The following CACNA2D3 variants were observed in gnomAD, a reference collection of about 807,000 sequenced individuals.
CACNA2D3 encodes the protein voltage-dependent calcium channel subunit alpha-2/delta-3.
In CACNA2D3, 60 loss-of-function variants were observed where a neutral mutation model predicts 160.6. The observed-to-expected ratio is 0.37, with a 90% confidence interval of 0.30 to 0.46. CACNA2D3 has a LOEUF of 0.46. CACNA2D3 is among the 20% of genes least tolerant of loss of function. The pLI, the probability that CACNA2D3 is intolerant of heterozygous loss-of-function variation, is 1.00. For missense variants in CACNA2D3, 1,205 were observed against 1,365.0 expected (o/e 0.88, Z 1.85); for synonymous variants, 558 against 492.9 (o/e 1.13, Z -1.75).
intron 30 of CACNA2D3, among the ~76,000 whole-genome samples, chr3:54,985,113 C>T (rs150159629): frequency 6.2e-4 from 94 of 152,240 alleles, no homozygotes; most frequent in African/African-American, 2.2e-3. Context: ...GGCTTTCGTT[C>T]TGGTTTTTGC....
At chr3:54,197,810 C>A (rs1273518021) in intron 2 of CACNA2D3, among the ~76,000 whole-genome samples, 2 of 152,168 alleles carry the variant, frequency 1.3e-5, no homozygotes, top group Admixed American at 6.5e-5. Flanking sequence ...ATTCTTCTCT[C>A]CATTTTTTGG....
intron 27 of CACNA2D3, among the ~76,000 whole-genome samples, chr3:54,905,441 T>G (rs1232236754): frequency 6.6e-6 from 1 of 152,216 alleles, no homozygotes; most frequent in Non-Finnish European, 1.5e-5. Flanking sequence ...ATTTAACTTG[T>G]GAACATTCCT....
intron 2 of CACNA2D3, among the ~76,000 whole-genome samples, chr3:54,204,510 C>T (rs1002656955): frequency 6.6e-6 from 1 of 151,956 alleles, no homozygotes; most frequent in African/African-American, 2.4e-5. Flanking sequence ...GAAATGGAGA[C>T]ATGGGGCCAG....
chr3:54,864,438 A>C (rs533848391), intron 17 of CACNA2D3, among the ~76,000 whole-genome samples: 39 of 152,090 alleles, frequency 2.6e-4, no homozygotes, highest in African/African-American at 9.4e-4. Context: ...GCGCTCAGCT[A>C]ATTTTTGTGT....
rs1701078136 is a variant in CACNA2D3 at position 54,928,062 on chromosome 3, T to C, written c.2449+28194T>C. The C allele has an allele frequency of 9.9e-6, 7 of 709,322 alleles. No individual in the cohort carries two copies. In the South Asian group the frequency reaches 1.2e-4, roughly 12 times the overall value. 43.9% of individuals were successfully genotyped at this position (709,322 alleles called of 1,614,324 possible). On this transcript the variant is annotated intron_variant, in intron 27 of 37. Transcript: ENST00000474759. ...TGCTTTTCTTCAATGCAGAAAACAG[T>C]TGTTGCTTTCAAAAGACCATTTATT... is the stretch of plus-strand genomic sequence containing the variant.
intron 3 of CACNA2D3, among the ~76,000 whole-genome samples, chr3:54,329,780 A>G (rs1436416121): frequency 6.6e-6 from 1 of 152,154 alleles, no homozygotes; most frequent in African/African-American, 2.4e-5. Flanking sequence ...ATAAAAGACC[A>G]CTGTCTATAA....
chr3:54,150,042 A>G (rs1700117431), intron 2 of CACNA2D3, among the ~76,000 whole-genome samples: 1 of 147,512 alleles, frequency 6.8e-6, no homozygotes, highest in African/African-American at 2.5e-5. Context: ...TCTGTCTCAT[A>G]TGGAAACACA....
chr3:54,822,404 A>G (rs987014534), intron 14 of CACNA2D3, among the ~76,000 whole-genome samples: 2 of 152,190 alleles, frequency 1.3e-5, no homozygotes, highest in African/African-American at 4.8e-5. Flanking sequence ...TGGTTATATA[A>G]CTAAGTATTT....
At chr3:54,197,094 A>C (rs770780296) in intron 2 of CACNA2D3, among the ~76,000 whole-genome samples, 20 of 152,114 alleles carry the variant, frequency 1.3e-4, no homozygotes, top group Non-Finnish European at 2.4e-4. Flanking sequence ...AAGAGATTGC[A>C]TCTCTGTTTG....
At chr3:54,640,126 A>G (rs1699483003) in intron 10 of CACNA2D3, among the ~76,000 whole-genome samples, 1 of 152,264 alleles carries the variant, frequency 6.6e-6, no homozygotes, top group East Asian at 1.9e-4. Context: ...GTGATTCTTC[A>G]GTTACTTCAG....
intron 5 of CACNA2D3, among the ~76,000 whole-genome samples, chr3:54,510,915 G>T (rs962365673): frequency 1.3e-5 from 2 of 152,176 alleles, no homozygotes; most frequent in Non-Finnish European, 2.9e-5. Context: ...CCAAAAATAT[G>T]TAGGGGATGC....
intron 29 of CACNA2D3, among the ~76,000 whole-genome samples, chr3:54,982,032 GGTA>G (rs1261481792): frequency 6.6e-6 from 1 of 152,126 alleles, no homozygotes; most frequent in Non-Finnish European, 1.5e-5. Context: ...GCCACTTGTC[GGTA>G]GTGAAGGGAT....
chr3:54,959,017 C>T (rs1315710405), intron 27 of CACNA2D3, among the ~76,000 whole-genome samples: 1 of 152,116 alleles, frequency 6.6e-6, no homozygotes, highest in East Asian at 1.9e-4. Context: ...GGGATAATTG[C>T]CTGAGCCTGG....
At chr3:54,361,003 A>C (rs1698732339) in intron 3 of CACNA2D3, among the ~76,000 whole-genome samples, 1 of 152,122 alleles carries the variant, frequency 6.6e-6, no homozygotes, top group Non-Finnish European at 1.5e-5. Flanking sequence ...AAAAAGAAGA[A>C]GACCTTAAGA....
intron 2 of CACNA2D3, among the ~76,000 whole-genome samples, chr3:54,147,031 A>G (rs1372365508): frequency 1.3e-5 from 2 of 152,254 alleles, no homozygotes; most frequent in Admixed American, 1.3e-4. Flanking sequence ...TAATATCCCT[A>G]GATTTCCAAT....
intron 24 of CACNA2D3, among the ~76,000 whole-genome samples, chr3:54,889,017 G>C (rs1044246005): frequency 6.6e-6 from 1 of 152,202 alleles, no homozygotes; most frequent in East Asian, 1.9e-4. Context: ...GGAGGAGGAA[G>C]ATGGGAACTA....
chr3:55,060,618 C>T (rs182382020), intron 35 of CACNA2D3, among the ~76,000 whole-genome samples: 74 of 152,022 alleles, frequency 4.9e-4, no homozygotes, highest in Admixed American at 2.7e-3. Context: ...GTAAACACTC[C>T]GTAAATGTTA....
intron 4 of CACNA2D3, among the ~76,000 whole-genome samples, chr3:54,464,182 C>G (rs1056167982): frequency 6.6e-6 from 1 of 152,194 alleles, no homozygotes; most frequent in African/African-American, 2.4e-5. Flanking sequence ...TCTGCCCCTA[C>G]TGGGGGGTGC....
intron 34 of CACNA2D3, among the ~76,000 whole-genome samples, chr3:55,011,840 C>T (rs1225195093): frequency 2.0e-5 from 3 of 152,128 alleles, no homozygotes; most frequent in Admixed American, 6.5e-5. Flanking sequence ...GAGGAAGAAC[C>T]TACTAAATGC....
Sources: allele counts gnomAD v4.1 joint callset (sites outside exome capture counted in the v4.1 genomes callset), GRCh38; gene constraint gnomAD v4.1.1; transcripts MANE v1.5; gene names NCBI Gene and HGNC (gene_info 2026-07-23, HGNC 2026-07-21).